The following NUP88 variants were observed in gnomAD, a reference collection of about 807,000 sequenced individuals.
The protein encoded by NUP88 is nucleoporin 88.
NUP88 carries 57 observed loss-of-function variants against 93.9 expected under a neutral mutation model. The ratio of observed to expected loss-of-function variants is 0.61; its 90% CI spans 0.49 to 0.76. NUP88 has a LOEUF of 0.76. Among genes scored for constraint, NUP88 ranks in the 30% least tolerant of loss-of-function variants. NUP88 has a pLI of 0.00. For missense variants in NUP88, 911 were observed against 901.0 expected, an observed-to-expected ratio of 1.01 and a Z score of -0.14; for synonymous variants, 346 against 336.8, an observed-to-expected ratio of 1.03 and a Z score of -0.30.
At chr17:5,413,844 G>A (rs916065455) in intron 3 of NUP88, among the ~76,000 whole-genome samples, 165 bp downstream of exon 3, 2 of 152,218 alleles carry the variant, frequency 1.3e-5, no homozygotes, top group African/African-American at 4.8e-5. Context: ...TGGTAAGTTA[G>A]AGCAGTTAGG....
At chr17:5,394,642 A>C (rs1301168927) in intron 9 of NUP88, among the ~76,000 whole-genome samples, 1 of 152,134 alleles carries the variant, frequency 6.6e-6, no homozygotes, top group Non-Finnish European at 1.5e-5. Context: ...AGCCAAGAGA[A>C]GACAGCAAGC....
chr17:5,402,785 T>C (rs1190602011), intron 7 of NUP88, among the ~76,000 whole-genome samples: 2 of 152,158 alleles, frequency 1.3e-5, no homozygotes, highest in African/African-American at 2.4e-5. Flanking sequence ...GAAGGATCAC[T>C]GGAGCTCAGG....
chr17:5,419,629 C>G lies in NUP88; in HGVS notation c.22G>C (p.Val8Leu), dbSNP rs376083856. ...GTCTGCCACAGCTCGCCGTCGCCCA[C>G]CGGTCCCTCGGCGGCCGCCATCTTG... is the stretch of plus-strand genomic sequence containing the variant. Reference protein sequence around the residue: MAAAEGPVGDGELWQTWL... With the variant: MAAAEGPLGDGELWQTWL... Residue 8 changes from valine (V) to leucine (L), a missense_variant, in exon 1 of 17, where the codon GTG becomes CTG. By Grantham distance (32) the Val-to-Leu change is conservative. Coordinates refer to ENST00000573584, the MANE Select transcript of NUP88 (RefSeq NM_002532.6). The G allele has an allele frequency of 1.8e-5, 28 of 1,593,860 alleles. No homozygotes were observed. The highest frequency in any genetic ancestry group is 2.7e-5 in the African/African-American group (2 of 74,658).
intron 2 of NUP88, among the ~76,000 whole-genome samples, chr17:5,414,980 AATTT>A (rs1428338654): frequency 1.3e-5 from 2 of 150,662 alleles, no homozygotes; most frequent in East Asian, 2.0e-4. Context: ...ATAAATAAAT[AATTT>A]ATTTATTTTA....
intron 9 of NUP88, 64 bp from the exon 10 acceptor site, chr17:5,391,726 C>T (rs1912448957): frequency 7.3e-7 from 1 of 1,360,780 alleles, no homozygotes; most frequent in Non-Finnish European, 1.0e-6. Flanking sequence ...AGAGCAAAGA[C>T]ATGACAGGTC....
At chr17:5,410,560 T>C (rs1913776307) in intron 4 of NUP88, 143 bp downstream of exon 4, 28 of 608,264 alleles carry the variant, frequency 4.6e-5, no homozygotes, top group Middle Eastern at 4.6e-4. Flanking sequence ...GACGAATCCC[T>C]GTTCTACTAA....
rs1913354887 is a variant in NUP88, at chr17:5,404,306, A to T, written c.1045-60T>A. 2.5e-6 allele frequency: 4 copies of T among 1,574,706 alleles called. No individual in the cohort carries two copies. In the South Asian group the frequency reaches 4.5e-5, roughly 18 times the overall value. ...TGTTAATTTGAAAATGTACACAATT[A>T]AAAACAGGCAAAAAGCTGGGTCAGG... is the stretch of plus-strand genomic sequence containing the variant. On this transcript the variant is annotated intron_variant, in intron 6 of 16. Coordinates refer to ENST00000573584, the MANE Select transcript of NUP88 (RefSeq NM_002532.6).
chr17:5,399,081 T>A (rs1269593218), intron 8 of NUP88, among the ~76,000 whole-genome samples: 1 of 149,470 alleles, frequency 6.7e-6, no homozygotes, highest in Admixed American at 6.7e-5. Flanking sequence ...TTAGTAGAGA[T>A]GGGGTTTCAC....
In NUP88 at chr17:5,385,682, C is replaced by CA. The variant is rs1239514533; in HGVS notation, c.*523dup. 22 of 231,022 alleles carry CA rather than the reference C, an allele frequency of 9.5e-5. No individual in the cohort carries two copies. Among genetic ancestry groups the CA allele is most frequent in the Non-Finnish European group, 1.8e-4 (21 of 116,832 alleles). The allele number at this position is 231,022 out of a possible 1,614,324, so 14.3% of individuals were successfully genotyped here. A position where few individuals can be genotyped will look rare whatever the true frequency, so the allele number is the denominator to read the frequency against. On this transcript the variant is annotated 3_prime_UTR_variant, in exon 17 of 17. Transcript: ENST00000573584. ...TACAGCTTGTGAGGAAGTGAGCCAG[C>CA]AGTGGCCTTTGCAATTGTGGATCTT...
At chr17:5,405,362 A>AT in intron 5 of NUP88, 119 bp from the exon 6 acceptor site, 1 of 761,058 alleles carries the variant, frequency 1.3e-6, no homozygotes, top group Non-Finnish European at 2.1e-6. Flanking sequence ...AATGTAGTGT[A>AT]TTCCCAATAC....
intron 6 of NUP88, 35 bp from the exon 7 acceptor site, chr17:5,404,281 T>G: frequency 6.2e-7 from 1 of 1,608,464 alleles, no homozygotes; most frequent in Non-Finnish European, 8.5e-7. Flanking sequence ...TGATCTTGCA[T>G]GTTAATTTGA....
intron 1 of NUP88, among the ~76,000 whole-genome samples, chr17:5,418,971 T>A (rs1914393740): frequency 6.6e-6 from 1 of 152,208 alleles, no homozygotes; most frequent in Admixed American, 6.5e-5. Flanking sequence ...ACCTGCAACC[T>A]GACTTGCTGT....
intron 3 of NUP88, among the ~76,000 whole-genome samples, chr17:5,412,942 C>G (rs907934310): frequency 3.3e-5 from 5 of 152,136 alleles, no homozygotes; most frequent in Non-Finnish European, 7.4e-5. Flanking sequence ...ACCGCACACT[C>G]TCCAATCACT....
At chr17:5,387,233 G>GA (rs760127099) in intron 14 of NUP88, 123 bp from the exon 15 acceptor site, 198 of 1,299,754 alleles carry the variant, frequency 1.5e-4, no homozygotes, top group Non-Finnish European at 2.0e-4. Context: ...AGGGTTAGGG[G>GA]AGAGCCTCAT....
intron 9 of NUP88, among the ~76,000 whole-genome samples, chr17:5,392,121 G>C (rs1021881484): frequency 1.3e-5 from 2 of 152,208 alleles, no homozygotes; most frequent in Non-Finnish European, 2.9e-5. Flanking sequence ...CCACTTCAGT[G>C]AAGACACTGG....
chr17:5,390,735 GCT>G (rs1912366098), intron 10 of NUP88, among the ~76,000 whole-genome samples: 1 of 151,844 alleles, frequency 6.6e-6, no homozygotes, highest in Non-Finnish European at 1.5e-5. Context: ...ACAGGGTCTT[GCT>G]CTGTTACCCA....
chr17:5,418,784 G>A (rs192447476), intron 1 of NUP88, among the ~76,000 whole-genome samples: 27 of 152,190 alleles, frequency 1.8e-4, no homozygotes, highest in African/African-American at 6.5e-4. Context: ...ACCAATATTT[G>A]ACCACGGCAA....
At position 5,408,749 on chromosome 17, in the gene NUP88, T is replaced by A. The variant is rs1006920554; in HGVS notation, c.841A>T (p.Ile281Phe). Residue 281 changes from isoleucine to phenylalanine, a missense_variant, in exon 5 of 17, where the codon ATC becomes TTC. Ile to Phe is a conservative substitution (Grantham distance 21). Transcript: ENST00000573584. The stretch of plus-strand genomic sequence containing the variant: ...TCAACTTACCTGTGTAACAGACTGA[T>A]GTATGTCAGGAAAGTCTCTCCATTT... Reference protein sequence around the residue: ...YENGETFLTYISLLHSPGNIG... With the variant: ...YENGETFLTYFSLLHSPGNIG... The A allele has an allele frequency of 6.2e-7, 1 of 1,607,156 alleles. No homozygotes were observed. The highest frequency in any genetic ancestry group is 1.3e-5 in the African/African-American group (1 of 74,468).
intron 4 of NUP88, among the ~76,000 whole-genome samples, chr17:5,410,502 G>A (rs1359561328): frequency 1.3e-5 from 2 of 151,988 alleles, no homozygotes; most frequent in African/African-American, 2.4e-5. Context: ...AGGCTGAGAC[G>A]AGCAGGATCA....
Sources: allele counts gnomAD v4.1 joint callset (sites outside exome capture counted in the v4.1 genomes callset), GRCh38; gene constraint gnomAD v4.1.1; transcripts MANE v1.5; gene names NCBI Gene and HGNC (gene_info 2026-07-23, HGNC 2026-07-21).